Variants in FAT3 observed in about 807,000 individuals in gnomAD.
FAT3 encodes the protein protocadherin Fat 3.
Under a neutral mutation model 310.2 loss-of-function variants are expected in FAT3, and 95 were observed. That is an observed-to-expected ratio of 0.31 (90% CI 0.26 to 0.36). The LOEUF is 0.36. FAT3 is among the 10% of genes least tolerant of loss of function. The pLI is 1.00. For synonymous variants in FAT3, 2,314 were observed against 2,192.9 expected, an observed-to-expected ratio of 1.06 and a Z score of -1.54; for missense variants, 5,408 against 5,715.6, an observed-to-expected ratio of 0.95 and a Z score of 1.74.
intron 1 of FAT3, among the ~76,000 whole-genome samples, chr11:92,237,244 G>C (rs1864466970): frequency 6.6e-6 from 1 of 152,272 alleles, no homozygotes; most frequent in South Asian, 2.1e-4. Context: ...TTAGATGAAA[G>C]GGTATTTTGA....
chr11:92,287,944 G>T (rs1452614650), intron 1 of FAT3, among the ~76,000 whole-genome samples: 1 of 152,146 alleles, frequency 6.6e-6, no homozygotes, highest in East Asian at 1.9e-4. Flanking sequence ...CAGAAAAACT[G>T]CAGAGCAAAT....
At chr11:92,443,321 G>T (rs745757382) in intron 2 of FAT3, among the ~76,000 whole-genome samples, 1 of 152,194 alleles carries the variant, frequency 6.6e-6, no homozygotes, top group Non-Finnish European at 1.5e-5. Flanking sequence ...GTCCCCAAGC[G>T]CACACTGTAC....
chr11:92,228,311 T>C (rs1375000276), intron 1 of FAT3, among the ~76,000 whole-genome samples: 3 of 152,144 alleles, frequency 2.0e-5, no homozygotes, highest in African/African-American at 7.2e-5. Context: ...CGGAGTCATT[T>C]TGGGGATTTT....
chr11:92,453,514 TAA>T lies in FAT3; in HGVS notation c.3293-71117_3293-71116del, dbSNP rs535677954. Among the ~76,000 whole-genome samples, 70 of 152,118 alleles carry T rather than the reference TAA, an allele frequency of 4.6e-4. 1 individual carries two copies. In the East Asian group the frequency reaches 0.013, roughly 29 times the overall value. The stretch of plus-strand genomic sequence containing the variant: ...TTTTTGTAAAAAAGAAAGAAAAGAA[TAA>T]AAGTCACGTGGGATCAAATGAGTCT... On this transcript the variant is annotated intron_variant, in intron 2 of 27. Coordinates refer to ENST00000525166, the MANE Select transcript of FAT3 (RefSeq NM_001367949.2).
At chr11:92,591,331 T>C (rs1222778215) in intron 3 of FAT3, among the ~76,000 whole-genome samples, 4 of 152,106 alleles carry the variant, frequency 2.6e-5, no homozygotes, top group Admixed American at 2.6e-4. Context: ...ACAAATGAGC[T>C]TTCTGCATTG....
intron 23 of FAT3, 112 bp downstream of exon 23, chr11:92,880,996 T>C (rs1591848008): frequency 8.5e-7 from 1 of 1,179,960 alleles, no homozygotes; most frequent in South Asian, 1.4e-5. Context: ...AGGCAAAGGG[T>C]TAACATCTGC....
chr11:92,532,157 G>A (rs1954101317), intron 3 of FAT3, among the ~76,000 whole-genome samples: 2 of 151,920 alleles, frequency 1.3e-5, no homozygotes, highest in African/African-American at 4.8e-5. Flanking sequence ...GTATGTATGT[G>A]TACATATATA....
intron 2 of FAT3, among the ~76,000 whole-genome samples, chr11:92,424,162 T>G (rs1950584562): frequency 6.6e-6 from 1 of 152,144 alleles, no homozygotes. Context: ...TGGCACTGTT[T>G]GCTTTCATTC....
chr11:92,702,590 C>T (rs1369363823), intron 4 of FAT3, among the ~76,000 whole-genome samples: 1 of 152,208 alleles, frequency 6.6e-6, no homozygotes, highest in Non-Finnish European at 1.5e-5. Flanking sequence ...TCCTCCTCCC[C>T]TTGTCCTCCA....
chr11:92,385,245 T>C (rs1422072299), intron 2 of FAT3, among the ~76,000 whole-genome samples: 2 of 152,224 alleles, frequency 1.3e-5, no homozygotes, highest in Non-Finnish European at 2.9e-5. Flanking sequence ...CTTTAAATGC[T>C]GTAGCTATGT....
At chr11:92,280,840 C>T (rs567448288) in intron 1 of FAT3, among the ~76,000 whole-genome samples, 8 of 152,154 alleles carry the variant, frequency 5.3e-5, no homozygotes, top group Non-Finnish European at 7.3e-5. Flanking sequence ...GAGAGACCTT[C>T]GTACATACAA....
chr11:92,257,331 C>CT (rs1865356535), intron 1 of FAT3, among the ~76,000 whole-genome samples: 1 of 152,058 alleles, frequency 6.6e-6, no homozygotes, highest in Non-Finnish European at 1.5e-5. Flanking sequence ...ACATTTAAAG[C>CT]TTTGCAGTGG....
At chr11:92,804,134 C>G (rs1231219221) in intron 10 of FAT3, among the ~76,000 whole-genome samples, 1 of 152,192 alleles carries the variant, frequency 6.6e-6, no homozygotes, top group Admixed American at 6.5e-5. Context: ...TTCAGTCTTT[C>G]CCTCCAGAAT....
intron 6 of FAT3, among the ~76,000 whole-genome samples, chr11:92,765,678 G>T (rs1321413858): frequency 1.3e-5 from 2 of 151,890 alleles, no homozygotes; most frequent in East Asian, 3.9e-4. Flanking sequence ...AACTGCCTGT[G>T]ACAGGCTGAA....
chr11:92,236,938 TGA>T (rs1428319672), intron 1 of FAT3, among the ~76,000 whole-genome samples: 1 of 152,138 alleles, frequency 6.6e-6, no homozygotes, highest in Non-Finnish European at 1.5e-5. Context: ...TATAAGCAGA[TGA>T]GAGGGAGCAA....
rs1466237279 is a variant in FAT3 at position 92,412,686 on chromosome 11, C to G, written c.3292+57282C>G. Among the ~76,000 whole-genome samples, 10 of 79,466 alleles carry G rather than the reference C, an allele frequency of 1.3e-4. 1 individual carries two copies. The East Asian group carries it at 4.0e-3, about 32-fold the overall frequency. The allele number at this position is 79,466 out of a possible 152,430, so 52.1% of individuals were successfully genotyped here. A position where few individuals can be genotyped will look rare whatever the true frequency, so the allele number is the denominator to read the frequency against. On this transcript the variant is annotated intron_variant, in intron 2 of 27. Transcript: ENST00000525166. ...GTTTTCTCAACAAAGAGTAAAAGTC[C>G]AACTATGATGGTGGTGATATATATA... is the stretch of plus-strand genomic sequence containing the variant.
At chr11:92,560,648 A>G (rs1955192109) in intron 3 of FAT3, among the ~76,000 whole-genome samples, 1 of 152,296 alleles carries the variant, frequency 6.6e-6, no homozygotes, top group South Asian at 2.1e-4. Context: ...CAATAAAAAG[A>G]AAAAGACTCT....
At chr11:92,841,045 C>T (rs1207387318) in intron 18 of FAT3, among the ~76,000 whole-genome samples, 1 of 152,192 alleles carries the variant, frequency 6.6e-6, no homozygotes, top group African/African-American at 2.4e-5. Flanking sequence ...AAAACTCCTG[C>T]TGCTTTATGC....
At chr11:92,686,483 A>G (rs2135874730) in intron 3 of FAT3, among the ~76,000 whole-genome samples, 1 of 152,336 alleles carries the variant, frequency 6.6e-6, no homozygotes, top group Middle Eastern at 3.4e-3. Flanking sequence ...GTGCAAAGGT[A>G]AACTCCAACC....
Sources: allele counts gnomAD v4.1 joint callset (sites outside exome capture counted in the v4.1 genomes callset), GRCh38; gene constraint gnomAD v4.1.1; transcripts MANE v1.5; gene names NCBI Gene and HGNC (gene_info 2026-07-23, HGNC 2026-07-21).